UMODL1: variants seen among roughly 807,000 people sequenced by gnomAD.
UMODL1 encodes the protein uromodulin-like 1.
In UMODL1, 128 loss-of-function variants were observed where a neutral mutation model predicts 136.3. That is an observed-to-expected ratio of 0.94 (90% CI 0.81 to 1.09). The LOEUF is 1.09. UMODL1 is among the 50% of genes least tolerant of loss of function. The pLI, the probability that UMODL1 is intolerant of heterozygous loss-of-function variation, is 0.00. For synonymous variants in UMODL1, 721 were observed against 720.0 expected, an observed-to-expected ratio of 1.00 and a Z score of -0.02; for missense variants, 1,766 against 1,725.6, an observed-to-expected ratio of 1.02 and a Z score of -0.41.
Position 42,127,969 on chromosome 21 carries a change from C to T in UMODL1, c.3690+138C>T, listed in dbSNP as rs756172070. On this transcript the variant is annotated intron_variant, in intron 20 of 22. Transcript: ENST00000408910. ...GGGAGGAGTCGCTGTGCCTGTCCTGCAGACTCCGCGTCTGAAATGGTATTT... is the reference window on the plus strand; with the variant it reads ...GGGAGGAGTCGCTGTGCCTGTCCTGTAGACTCCGCGTCTGAAATGGTATTT... 5 of 1,105,340 alleles carry T rather than the reference C, an allele frequency of 4.5e-6. No homozygotes were observed. In the South Asian group the frequency reaches 6.5e-5, roughly 14 times the overall value. 68.5% of individuals were successfully genotyped at this position (1,105,340 alleles called of 1,614,324 possible). A position where few individuals can be genotyped will look rare whatever the true frequency, so the allele number is the denominator to read the frequency against.
intron 9 of UMODL1, among the ~76,000 whole-genome samples, chr21:42,104,365 C>T (rs1245368283): frequency 6.6e-6 from 1 of 152,158 alleles, no homozygotes; most frequent in African/African-American, 2.4e-5. Flanking sequence ...TCAGGGCCCC[C>T]CAGCACTTCT....
chr21:42,093,860 G>A (rs1253047703), intron 6 of UMODL1: 1 of 456,644 alleles, frequency 2.2e-6, no homozygotes, highest in Non-Finnish European at 4.4e-6. Context: ...GAACACTCCT[G>A]TACCCCGCAG....
chr21:42,133,865 G>T (rs2067165571), intron 21 of UMODL1, among the ~76,000 whole-genome samples: 1 of 151,452 alleles, frequency 6.6e-6, no homozygotes, highest in African/African-American at 2.4e-5. Context: ...CAGTACTAAG[G>T]GTTAGGATTT....
chr21:42,110,763 G>A, intron 10 of UMODL1, 117 bp from the exon 11 acceptor site: 1 of 1,044,300 alleles, frequency 9.6e-7, no homozygotes, highest in Non-Finnish European at 1.4e-6. Flanking sequence ...TGCGTCCCTG[G>A]CCAGGTCCAC....
chr21:42,137,474 G>A lies in UMODL1; in HGVS notation c.3811G>A (p.Gly1271Ser), dbSNP rs186499023. 7.9e-5 allele frequency: 127 copies of A among 1,614,240 alleles called. No individual in the cohort carries two copies. The East Asian group carries it at 1.0e-3, about 13-fold the overall frequency. The change falls in exon 22 of 23, where the codon GGT becomes AGT. Residue 1271 changes from glycine (G) to serine (S), a missense_variant. Transcript: ENST00000408910. ...PPHAEAGLGA[G>S]YVVLIVVAIF... Reference sequence around the variant, plus strand: ...TCATGCAGAAGCAGGCCTGGGTGCCGGTTATGTGGTCCTTATTGTGGTGGC... The same window carrying A: ...TCATGCAGAAGCAGGCCTGGGTGCCAGTTATGTGGTCCTTATTGTGGTGGC...
rs1016455137 is a variant in UMODL1 at position 42,122,184 on chromosome 21, A to G, written c.2828-647A>G. 6.6e-6 allele frequency among the ~76,000 whole-genome samples: 1 copy of G among 152,078 alleles called. No homozygotes were observed. Among genetic ancestry groups the G allele is most frequent in the African/African-American group, 2.4e-5 (1 of 41,408 alleles). On this transcript the variant is annotated intron_variant, in intron 16 of 22. Transcript: ENST00000408910. This position sits in a 1 kb window ranked among gnomAD's most constrained non-coding sequence, Gnocchi z 4.3. ...CCCACAGATGATGGAGCCACTGCTG[A>G]AGGAGGGTGGAGGGCACGTGCGGAG...
At chr21:42,089,812 CTGTCTGTACTTAGACAGCA>C (rs2066468908) in intron 5 of UMODL1, among the ~76,000 whole-genome samples, 1 of 152,238 alleles carries the variant, frequency 6.6e-6, no homozygotes, top group Admixed American at 6.5e-5. Context: ...GCTTATCGCG[CTGTCTGTACTTAGACAGCA>C]TTATGAAGAG....
chr21:42,127,371 C>A, intron 19 of UMODL1, 129 bp downstream of exon 19: 1 of 914,332 alleles, frequency 1.1e-6, no homozygotes, highest in Non-Finnish European at 1.7e-6. Context: ...AGGTAGGGCT[C>A]AGGAGTGCAG....
chr21:42,102,215 G>A lies in UMODL1; in HGVS notation c.1236G>A (p.Thr412=), dbSNP rs1003035471. The A allele has an allele frequency of 1.4e-5, 22 of 1,613,702 alleles. No individual in the cohort carries two copies. Among genetic ancestry groups the A allele is most frequent in the East Asian group, 1.1e-4 (5 of 44,892 alleles). The change falls in exon 8 of 23, where the codon ACG becomes ACA. Residue 412 remains threonine, a synonymous_variant. Transcript: ENST00000408910. ...TAAAGATTGTAAACCACAACCTGAC[G>A]GAGAAGTTACTCAACCGCAGCAGTG... ...VTIKIVNHNL[T]EKLLNRSSVE...
At chr21:42,104,354 G>A (rs902701372) in intron 9 of UMODL1, among the ~76,000 whole-genome samples, 1 of 152,196 alleles carries the variant, frequency 6.6e-6, no homozygotes, top group Non-Finnish European at 1.5e-5. Flanking sequence ...TGTGTCTGTC[G>A]TCAGGGCCCC....
intron 22 of UMODL1, 109 bp from the exon 23 acceptor site, chr21:42,141,987 A>G (rs1044089958): frequency 6.6e-6 from 1 of 152,230 alleles, no homozygotes; most frequent in Admixed American, 6.5e-5. Flanking sequence ...CATAGACGCC[A>G]TGTCCTCGGG....
upstream of UMODL1, among the ~76,000 whole-genome samples, chr21:42,067,702 C>G (rs1326643452): frequency 6.6e-6 from 1 of 152,204 alleles, no homozygotes; most frequent in Non-Finnish European, 1.5e-5. Context: ...GCCTGGGCGC[C>G]TCTTCTGGGA....
At position 42,123,632 on chromosome 21, in the gene UMODL1, C is replaced by T. The variant is rs544040678; in HGVS notation, c.3147+482C>T. 3.3e-5 allele frequency among the ~76,000 whole-genome samples: 5 copies of T among 151,302 alleles called. No homozygotes were observed. The highest frequency in any genetic ancestry group is 5.9e-5 in the Non-Finnish European group (4 of 67,828). On this transcript the variant is annotated intron_variant, in intron 17 of 22. Transcript: ENST00000408910. This position sits in a 1 kb window ranked among gnomAD's most constrained non-coding sequence, Gnocchi z 4.4. Reference sequence around the variant, plus strand: ...ATATGCATGGCTGTGCTTATATGTACGTGCGTGTGTGTGTGCATGTGTATC... The same window carrying T: ...ATATGCATGGCTGTGCTTATATGTATGTGCGTGTGTGTGTGCATGTGTATC...
intron 21 of UMODL1, among the ~76,000 whole-genome samples, chr21:42,130,633 C>T (rs553551579): frequency 3.4e-4 from 52 of 151,984 alleles, no homozygotes; most frequent in African/African-American, 9.9e-4. Context: ...TGACCAATGA[C>T]ACGTAAGTGG....
chr21:42,103,644 T>A (rs972543155), intron 8 of UMODL1: 4 of 672,030 alleles, frequency 6.0e-6, no homozygotes, highest in African/African-American at 3.6e-5. Flanking sequence ...TCACTGTGAG[T>A]CCCCAGCACA....
At chr21:42,126,259 C>T in intron 17 of UMODL1, 86 bp from the exon 18 acceptor site, 1 of 1,576,238 alleles carries the variant, frequency 6.3e-7, no homozygotes, top group Non-Finnish European at 8.6e-7. Flanking sequence ...ACCCCCATCC[C>T]CCCAGCACCT....
At chr21:42,116,113 T>C in intron 14 of UMODL1, 128 bp downstream of exon 14, 1 of 594,368 alleles carries the variant, frequency 1.7e-6, no homozygotes, top group Non-Finnish European at 2.9e-6. Flanking sequence ...GGCGGGCAGA[T>C]TGCCTGAGCT....
chr21:42,097,033 C>T lies in UMODL1; in HGVS notation c.932-1893C>T, dbSNP rs2066566790. On this transcript the variant is annotated intron_variant, in intron 6 of 22. Coordinates refer to ENST00000408910, the MANE Select transcript of UMODL1 (RefSeq NM_001004416.3). ...GGTGACCCTGGAGACGGGGGTGCCA[C>T]CCACAATCTCAGGTCCCAAGCTTTG... Among the ~76,000 whole-genome samples, 3 of 152,258 alleles carry T rather than the reference C, an allele frequency of 2.0e-5. No individual in the cohort carries two copies. The South Asian group carries it at 6.2e-4, about 32-fold the overall frequency.
At chr21:42,079,035 G>A (rs1475449196) in intron 2 of UMODL1, among the ~76,000 whole-genome samples, 2 of 152,208 alleles carry the variant, frequency 1.3e-5, no homozygotes, top group African/African-American at 2.4e-5. Context: ...GAGCATGTGG[G>A]CTTTGCAGTC....
Sources: allele counts gnomAD v4.1 joint callset (sites outside exome capture counted in the v4.1 genomes callset), GRCh38; gene constraint gnomAD v4.1.1; non-coding constraint Gnocchi (gnomAD v3.1); transcripts MANE v1.5; gene names NCBI Gene and HGNC (gene_info 2026-07-23, HGNC 2026-07-21).